STS: variants seen among roughly 807,000 people sequenced by gnomAD.
STS encodes the protein steryl-sulfatase.
STS carries 7 observed loss-of-function variants against 26.8 expected under a neutral mutation model. That is an observed-to-expected ratio of 0.26 (90% confidence interval 0.15 to 0.49). The LOEUF (loss-of-function observed/expected upper bound fraction) is 0.49. STS is among the 20% of genes least tolerant of loss of function. The pLI, the probability that STS is intolerant of heterozygous loss-of-function variation, is 0.98. For missense variants in STS, 434 were observed against 465.6 expected, an observed-to-expected ratio of 0.93 and a Z score of 0.63; for synonymous variants, 199 against 189.4, an observed-to-expected ratio of 1.05 and a Z score of -0.42.
chrX:7,242,607 ATAAAT>A (rs1488155293), intron 2 of STS, among the ~76,000 whole-genome samples: 1 of 111,007 alleles, frequency 9.0e-6, no homozygotes, highest in Admixed American at 9.6e-5. Context: ...CTCAAAATAA[ATAAAT>A]TAATTAATAA....
intron 1 of STS, among the ~76,000 whole-genome samples, chrX:7,163,570 A>G (rs1332783558): frequency 1.8e-5 from 2 of 112,394 alleles, no homozygotes; most frequent in Admixed American, 9.4e-5. Context: ...GGTTCTGTTC[A>G]GCATAGGTGG....
Position 7,313,441 on chromosome X carries a change from G to A in STS, c.1081+8258G>A, listed in dbSNP as rs139080507. Reference sequence around the variant, plus strand: ...TGAGAGCAATTGATACTTTTATTGTGAGAGAAAAATAGTAGCAACTGACTC... The same window carrying A: ...TGAGAGCAATTGATACTTTTATTGTAAGAGAAAAATAGTAGCAACTGACTC... On this transcript the variant is annotated intron_variant, in intron 8 of 10. Coordinates refer to ENST00000674429, the MANE Select transcript of STS (RefSeq NM_001320752.2). Among the ~76,000 whole-genome samples the A allele has an allele frequency of 6.4e-3, 722 of 112,016 alleles. 4 individuals carry two copies. The highest frequency in any genetic ancestry group is 0.022 in the African/African-American group (692 of 30,831).
At chrX:7,206,112 T>C (rs1161914126) in intron 2 of STS, among the ~76,000 whole-genome samples, 2 of 111,784 alleles carry the variant, frequency 1.8e-5, no homozygotes, top group African/African-American at 6.5e-5. Flanking sequence ...TATTCCTTCA[T>C]CGTTTTGGGC....
At chrX:7,270,296 T>C (rs1247568670) in intron 6 of STS, among the ~76,000 whole-genome samples, 1 of 112,050 alleles carries the variant, frequency 8.9e-6, no homozygotes, top group East Asian at 2.8e-4. Context: ...TTCAAGGTCG[T>C]AGAGAGGAAG....
intron 8 of STS, among the ~76,000 whole-genome samples, chrX:7,309,126 T>C (rs1331202677): frequency 9.0e-6 from 1 of 111,533 alleles, no homozygotes; most frequent in Non-Finnish European, 1.9e-5. Context: ...CAAATCTGTT[T>C]CCCTGGTGAA....
chrX:7,273,310 T>C (rs772782053), intron 6 of STS, among the ~76,000 whole-genome samples: 4 of 111,631 alleles, frequency 3.6e-5, no homozygotes, highest in Admixed American at 9.5e-5. Context: ...CAGAGAATCA[T>C]CTCAGTCTCC....
intron 2 of STS, among the ~76,000 whole-genome samples, chrX:7,204,292 A>G (rs1934140979): frequency 1.8e-5 from 2 of 111,683 alleles, no homozygotes; most frequent in East Asian, 5.6e-4. Flanking sequence ...ATATTTGCCA[A>G]ATCAGTAGGT....
intron 7 of STS, among the ~76,000 whole-genome samples, chrX:7,289,818 T>C (rs1337662667): frequency 9.0e-6 from 1 of 111,337 alleles, no homozygotes; most frequent in Non-Finnish European, 1.9e-5. Context: ...CTAATTTTTG[T>C]ATGTGTGTAT....
chrX:7,162,493 C>A (rs975687715), intron 1 of STS, among the ~76,000 whole-genome samples: 1 of 110,779 alleles, frequency 9.0e-6, no homozygotes, highest in Admixed American at 9.6e-5. Flanking sequence ...CCGGGTTCCT[C>A]TTGGCGGTTC....
chrX:7,259,100 TTTTG>T lies in STS; in HGVS notation c.383-241_383-238del, dbSNP rs773718083. ...GTAGAGGATTTTTATCTGGTTGAGA[TTTTG>T]TTTGTTTTTTTGTTTTGTTTTGTTG... On this transcript the variant is annotated intron_variant, in intron 5 of 10. Coordinates refer to ENST00000674429, the MANE Select transcript of STS (RefSeq NM_001320752.2). Among the ~76,000 whole-genome samples, 23 of 111,558 alleles carry T rather than the reference TTTTG, an allele frequency of 2.1e-4. No individual in the cohort carries two copies. In the Admixed American group the frequency reaches 2.2e-3, roughly 11 times the overall value.
intron 8 of STS, among the ~76,000 whole-genome samples, chrX:7,324,514 G>C (rs1317810097): frequency 8.9e-6 from 1 of 111,887 alleles, no homozygotes; most frequent in Non-Finnish European, 1.9e-5. Flanking sequence ...TTTGAAATAT[G>C]TCAAATAAAT....
Position 7,253,393 on chromosome X carries a change from G to A in STS, c.137+57G>A, listed in dbSNP as rs774080108. On this transcript the variant is annotated intron_variant, in intron 3 of 10. Transcript: ENST00000674429. ...GCTGTATTCATAGGCAACAGTCCCC[G>A]GGATGGTTATTGTTGATCTACAGAG... 74 of 1,192,323 alleles carry A rather than the reference G, an allele frequency of 6.2e-5. 1 individual carries two copies. Among genetic ancestry groups the A allele is most frequent in the East Asian group, 1.8e-4 (6 of 33,659 alleles).
chrX:7,318,828 G>A (rs1926834870), intron 8 of STS, among the ~76,000 whole-genome samples: 1 of 110,943 alleles, frequency 9.0e-6, no homozygotes. Context: ...GGTGCTCTGT[G>A]CATCTTACCT....
intron 1 of STS, among the ~76,000 whole-genome samples, chrX:7,176,532 G>A (rs1013977259): frequency 2.7e-5 from 3 of 111,662 alleles, no homozygotes; most frequent in Non-Finnish European, 5.6e-5. Context: ...ACACTGCTGT[G>A]AAGAAATACC....
At chrX:7,213,999 C>T (rs1366453492) in intron 2 of STS, among the ~76,000 whole-genome samples, 5 of 111,256 alleles carry the variant, frequency 4.5e-5, no homozygotes, top group African/African-American at 1.6e-4. Flanking sequence ...GGGAGGATTG[C>T]TTGAGTCTGG....
At chrX:7,329,393 C>T (rs1464570302) in intron 9 of STS, among the ~76,000 whole-genome samples, 3 of 111,804 alleles carry the variant, frequency 2.7e-5, no homozygotes, top group Admixed American at 9.5e-5. Flanking sequence ...AGAAATCCTA[C>T]CCTGAAATTT....
chrX:7,219,217 C>A (rs767447624), intron 2 of STS, among the ~76,000 whole-genome samples: 1 of 111,965 alleles, frequency 8.9e-6, no homozygotes, highest in Admixed American at 9.4e-5. Context: ...CTTATCTGAC[C>A]ATCTCATTCT....
At chrX:7,267,110 G>T (rs1437599978) in intron 6 of STS, among the ~76,000 whole-genome samples, 2 of 112,176 alleles carry the variant, frequency 1.8e-5, no homozygotes, top group African/African-American at 6.5e-5. Flanking sequence ...TTCATAAACA[G>T]TTGGGGGAAT....
Position 7,271,681 on chromosome X carries a change from A to G in STS, c.807-4270A>G, listed in dbSNP as rs374695426. ...GTGGGCTCTCATTGCATGCCTTCTT[A>G]TTCCAGTTCCTGTGAGAGGTGAGAC... On this transcript the variant is annotated intron_variant, in intron 6 of 10. Transcript: ENST00000674429. Among the ~76,000 whole-genome samples, 3 of 108,198 alleles carry G rather than the reference A, an allele frequency of 2.8e-5. 1 individual carries two copies. In the East Asian group the frequency reaches 8.7e-4, roughly 31 times the overall value. 94.0% of individuals were successfully genotyped at this position (108,198 alleles called of 115,157 possible). A position where few individuals can be genotyped will look rare whatever the true frequency, so the allele number is the denominator to read the frequency against.
Sources: allele counts gnomAD v4.1 joint callset (sites outside exome capture counted in the v4.1 genomes callset), GRCh38; gene constraint gnomAD v4.1.1; transcripts MANE v1.5; gene names NCBI Gene and HGNC (gene_info 2026-07-23, HGNC 2026-07-21).